The following KIFAP3 variants were observed in gnomAD, a reference collection of about 807,000 sequenced individuals.
KIFAP3 encodes the protein kinesin-associated protein 3.
KIFAP3 carries 68 observed loss-of-function variants against 106.5 expected under a neutral mutation model. The ratio of observed to expected loss-of-function variants is 0.64; its 90% CI spans 0.53 to 0.78. KIFAP3 has a LOEUF of 0.78. Among genes scored for constraint, KIFAP3 ranks in the 30% least tolerant of loss-of-function variants. The pLI is 0.00. For missense variants in KIFAP3, 780 were observed against 941.8 expected (o/e 0.83, Z 2.25); for synonymous variants, 320 against 311.5 (o/e 1.03, Z -0.29).
chr1:169,949,162 A>C (rs1315059807), intron 19 of KIFAP3, among the ~76,000 whole-genome samples: 1 of 151,974 alleles, frequency 6.6e-6, no homozygotes, highest in Non-Finnish European at 1.5e-5. Context: ...AAAGAGACCA[A>C]AATAGAAGGC....
At chr1:170,068,060 ACT>A (rs1671532731) in intron 1 of KIFAP3, 1 of 152,092 alleles carries the variant, frequency 6.6e-6, no homozygotes, top group Admixed American at 6.6e-5. Context: ...ATATCCAAAC[ACT>A]GAGTCAACCT....
intron 18 of KIFAP3, among the ~76,000 whole-genome samples, chr1:169,955,695 ATTAT>A (rs1302473904): frequency 6.6e-6 from 1 of 152,186 alleles, no homozygotes. Flanking sequence ...ATGACATATT[ATTAT>A]TTAATTGTCA....
chr1:170,049,819 C>CCA lies in KIFAP3; in HGVS notation c.165-2954_165-2953insTG, dbSNP rs896734033. Among the ~76,000 whole-genome samples the CCA allele has an allele frequency of 2.3e-4, 34 of 150,668 alleles. 1 individual carries two copies. Among genetic ancestry groups the CCA allele is most frequent in the African/African-American group, 6.6e-4 (27 of 41,060 alleles). On this transcript the variant is annotated intron_variant, in intron 2 of 19. Transcript: ENST00000361580. ...ATCAACAAAAAACACCACCCCCCCC[C>CCA]AAAAAAAACCCATACAAGGGTCATC... is the stretch of plus-strand genomic sequence containing the variant.
chr1:169,928,689 ACC>A (rs1663283023), intron 19 of KIFAP3, among the ~76,000 whole-genome samples: 2 of 66,376 alleles, frequency 3.0e-5, no homozygotes, highest in Non-Finnish European at 5.3e-5. Flanking sequence ...AGTGAGTGAG[ACC>A]CTGTCTCCAA....
chr1:169,983,233 C>A, intron 13 of KIFAP3, 37 bp downstream of exon 13: 1 of 1,169,266 alleles, frequency 8.6e-7, no homozygotes, highest in African/African-American at 1.6e-5. Context: ...ATTTCAATTC[C>A]CAGTCTATTT....
In KIFAP3 at chr1:170,033,319, A is replaced by C. The variant is rs1669509672; in HGVS notation, c.742+1053T>G. The stretch of plus-strand genomic sequence containing the variant: ...CCTGAATTAACCTGTTACAACATAG[A>C]TTAAATTGAAGCCTCAGGGTTTCCA... On this transcript the variant is annotated intron_variant, in intron 7 of 19. Coordinates refer to ENST00000361580, the MANE Select transcript of KIFAP3 (RefSeq NM_014970.4). Among the ~76,000 whole-genome samples the C allele has an allele frequency of 2.6e-5, 4 of 151,950 alleles. No homozygotes were observed. The South Asian group carries it at 8.3e-4, about 31-fold the overall frequency.
upstream of KIFAP3, among the ~76,000 whole-genome samples, chr1:170,079,062 A>G (rs1338880770): frequency 6.6e-6 from 1 of 152,210 alleles, no homozygotes; most frequent in East Asian, 1.9e-4. Context: ...CTTATGTTAA[A>G]GTTTGATCTC....
intron 19 of KIFAP3, among the ~76,000 whole-genome samples, chr1:169,938,741 A>G (rs548951628): frequency 7.5e-4 from 114 of 152,284 alleles, no homozygotes; most frequent in African/African-American, 2.5e-3. Context: ...TAGATGAGGG[A>G]GAAGCAGCTT....
At chr1:169,987,787 C>G (rs1219023900) in intron 11 of KIFAP3, among the ~76,000 whole-genome samples, 1 of 152,076 alleles carries the variant, frequency 6.6e-6, no homozygotes, top group East Asian at 1.9e-4. Context: ...TAACCATGTA[C>G]TTTCATTGGC....
chr1:170,026,929 T>C (rs1217225257), intron 8 of KIFAP3, among the ~76,000 whole-genome samples: 1 of 151,826 alleles, frequency 6.6e-6, no homozygotes, highest in African/African-American at 2.4e-5. Flanking sequence ...CCAAGTAATT[T>C]AACTATGTCC....
At position 170,051,775 on chromosome 1, in the gene KIFAP3, A is replaced by G. The variant is rs142920001; in HGVS notation, c.164+3530T>C. ...TAAATAAAAAAATTAAGGCAGAAGT[A>G]AAGAAGTTCTTTGAAACCAATGAGA... On this transcript the variant is annotated intron_variant, in intron 2 of 19. Transcript: ENST00000361580. Among the ~76,000 whole-genome samples the G allele has an allele frequency of 8.1e-3, 1,232 of 152,316 alleles. 22 individuals carry two copies. Among genetic ancestry groups the G allele is most frequent in the African/African-American group, 0.027 (1,127 of 41,570 alleles).
intron 3 of KIFAP3, chr1:170,041,997 C>T (rs1385240480): frequency 1.3e-5 from 4 of 302,840 alleles, no homozygotes; most frequent in Non-Finnish European, 1.9e-5. Context: ...CTTATCTTGT[C>T]CTGTTTGTGT....
intron 10 of KIFAP3, among the ~76,000 whole-genome samples, chr1:170,006,244 T>C (rs1667954156): frequency 6.6e-6 from 1 of 152,208 alleles, no homozygotes; most frequent in South Asian, 2.1e-4. Context: ...TGTGTTCCTT[T>C]CATCCTTTCA....
At chr1:169,922,727 A>G (rs908426464) in intron 19 of KIFAP3, among the ~76,000 whole-genome samples, 1 of 152,236 alleles carries the variant, frequency 6.6e-6, no homozygotes, top group Admixed American at 6.5e-5. Flanking sequence ...TTGACTTCCA[A>G]TCAATGGACA....
chr1:169,968,930 T>A (rs1250832701), intron 17 of KIFAP3, among the ~76,000 whole-genome samples: 1 of 151,674 alleles, frequency 6.6e-6, no homozygotes, highest in Non-Finnish European at 1.5e-5. Context: ...TGGAAAAATA[T>A]CCTAAATGTC....
chr1:169,947,477 A>C (rs1263967801), intron 19 of KIFAP3, among the ~76,000 whole-genome samples: 1 of 151,938 alleles, frequency 6.6e-6, no homozygotes, highest in Non-Finnish European at 1.5e-5. Context: ...GCTAAGAACA[A>C]GTATTAGGGA....
chr1:169,986,872 G>A (rs1427859502), intron 11 of KIFAP3, among the ~76,000 whole-genome samples: 1 of 151,510 alleles, frequency 6.6e-6, no homozygotes, highest in African/African-American at 2.4e-5. Context: ...TATTTTAGAA[G>A]GTAAATTTTC....
chr1:170,085,163 A>AAAGG (rs1196892259), exon 1 of KIFAP3: 1 of 152,144 alleles, frequency 6.6e-6, no homozygotes, highest in African/African-American at 2.4e-5. Flanking sequence ...ATCTTAATAC[A>AAAGG]AAGGAGATTT....
At chr1:170,036,520 T>A (rs939787648) in intron 5 of KIFAP3, among the ~76,000 whole-genome samples, 3 of 152,138 alleles carry the variant, frequency 2.0e-5, no homozygotes, top group Non-Finnish European at 2.9e-5. Flanking sequence ...ACTTGAATAG[T>A]ACATGCTTTG....
Sources: gnomAD v4.1 joint callset for allele counts (sites outside exome capture counted in the v4.1 genomes callset) on GRCh38, gnomAD v4.1.1 for gene constraint, MANE v1.5 for transcripts, NCBI Gene and HGNC (gene_info 2026-07-23, HGNC 2026-07-21) for gene names.